The following NPY1R variants were observed in gnomAD, a reference collection of about 807,000 sequenced individuals.
NPY1R encodes the protein neuropeptide Y receptor type 1.
In NPY1R, 10 loss-of-function variants were observed where a neutral mutation model predicts 24.1. That is an observed-to-expected ratio of 0.42 (90% confidence interval 0.26 to 0.71). The LOEUF (loss-of-function observed/expected upper bound fraction) is 0.71, where lower values mean the gene tolerates loss of function less well. Ranked by LOEUF, NPY1R falls within the 30% of genes least tolerant of loss-of-function variation. The pLI is 0.28. For synonymous variants in NPY1R, 168 were observed against 165.9 expected (o/e 1.01, Z -0.10); for missense variants, 350 against 458.0 (o/e 0.76, Z 2.15).
intron 1 of NPY1R, among the ~76,000 whole-genome samples, chr4:163,343,014 A>T (rs62333382): frequency 1.5e-5 from 2 of 131,770 alleles, no homozygotes. Context: ...ACACACACAC[A>T]CACACGCGCG....
intron 1 of NPY1R, among the ~76,000 whole-genome samples, chr4:163,341,875 TG>T (rs141320999): frequency 0.018 from 2,722 of 152,298 alleles, 75 homozygotes; most frequent in African/African-American, 0.059. Context: ...AAATCCCCCC[TG>T]GGAAATTTAA....
chr4:163,328,625 A>C, intron 1 of NPY1R, among the ~76,000 whole-genome samples: 1 of 152,270 alleles, frequency 6.6e-6, no homozygotes, highest in East Asian at 1.9e-4. Context: ...CCCCAGCCTG[A>C]CACATTAAGA....
At chr4:163,329,312 A>G (rs1734676313) in intron 1 of NPY1R, among the ~76,000 whole-genome samples, 1 of 152,192 alleles carries the variant, frequency 6.6e-6, no homozygotes, top group Non-Finnish European at 1.5e-5. Flanking sequence ...AAAGCAAGAA[A>G]GAGGGACTGG....
At chr4:163,326,976 T>C (rs902616017) in intron 1 of NPY1R, among the ~76,000 whole-genome samples, 43 of 152,164 alleles carry the variant, frequency 2.8e-4, no homozygotes, top group African/African-American at 1.0e-3. Context: ...CCCCAAGTCT[T>C]ACATAAACAG....
Position 163,326,197 on chromosome 4 carries a change from G to A in NPY1R, c.358C>T (p.Gln120Ter). 1.2e-6 allele frequency: 2 copies of A among 1,614,128 alleles called. No homozygotes were observed. Among genetic ancestry groups the A allele is most frequent in the Non-Finnish European group, 1.7e-6 (2 of 1,179,984 alleles). Reference sequence around the variant, plus strand: ...ATGGACACAGTGATTGAAACACATTGCACAAAAGGATTCAACTTACACATC... The same window carrying A: ...ATGGACACAGTGATTGAAACACATTACACAAAAGGATTCAACTTACACATC... The part of the protein sequence containing the change: ...EAMCKLNPFV[Q>*]CVSITVSIFS... Residue 120 changes from glutamine to a stop codon, truncating the protein, a stop_gained, in exon 2 of 3, where the codon CAA (glutamine) becomes TAA (stop). Coordinates refer to ENST00000296533, the MANE Select transcript of NPY1R (RefSeq NM_000909.6). LOFTEE classifies it high-confidence loss of function.
chr4:163,330,056 T>A, intron 1 of NPY1R, among the ~76,000 whole-genome samples: 1 of 152,124 alleles, frequency 6.6e-6, no homozygotes, highest in Non-Finnish European at 1.5e-5. Flanking sequence ...ATGGGGAGAT[T>A]CATTAGAAAG....
At chr4:163,329,981 A>G (rs567760760) in intron 1 of NPY1R, among the ~76,000 whole-genome samples, 3 of 152,142 alleles carry the variant, frequency 2.0e-5, no homozygotes, top group Non-Finnish European at 4.4e-5. Context: ...GTGAAGTTTT[A>G]TGACTTTTGA....
rs1041785879 is a variant in NPY1R at position 163,325,293 on chromosome 4, A to G, written c.*10T>C. ...CAGATGTCATCCGGGACCATAGGCT[A>G]TAAGTAGTTTCAGATTTTTTCATTA... On this transcript the variant is annotated 3_prime_UTR_variant, in exon 3 of 3. Coordinates refer to ENST00000296533, the MANE Select transcript of NPY1R (RefSeq NM_000909.6). 1 of 1,585,490 alleles carries G rather than the reference A, an allele frequency of 6.3e-7. No homozygotes were observed.
At chr4:163,331,148 C>A (rs1016648984) in intron 1 of NPY1R, 1 of 152,392 alleles carries the variant, frequency 6.6e-6, no homozygotes, top group African/African-American at 2.4e-5. Flanking sequence ...GGGTCGAGAA[C>A]AAACAGCTAC....
At chr4:163,335,478 C>G (rs1034979999), upstream of NPY1R, among the ~76,000 whole-genome samples, 6 of 152,130 alleles carry the variant, frequency 3.9e-5, no homozygotes, top group African/African-American at 1.4e-4. Context: ...TTGAAACACA[C>G]TAATTACTAG....
At chr4:163,330,292 A>T (rs981230121) in intron 1 of NPY1R, among the ~76,000 whole-genome samples, 2 of 152,222 alleles carry the variant, frequency 1.3e-5, no homozygotes, top group Non-Finnish European at 2.9e-5. Context: ...TACCTTTGAA[A>T]TTGTATTTAA....
chr4:163,328,003 C>A (rs1734646044), intron 1 of NPY1R, among the ~76,000 whole-genome samples: 1 of 151,712 alleles, frequency 6.6e-6, no homozygotes, highest in South Asian at 2.1e-4. Context: ...AGATAAAAAA[C>A]TTAATGAACA....
At chr4:163,341,974 T>G (rs1319452678) in intron 1 of NPY1R, among the ~76,000 whole-genome samples, 1 of 152,200 alleles carries the variant, frequency 6.6e-6, no homozygotes, top group African/African-American at 2.4e-5. Flanking sequence ...AAAAAAACTC[T>G]TAATAACTTG....
At chr4:163,343,225 C>T (rs1735052731) in intron 1 of NPY1R, among the ~76,000 whole-genome samples, 1 of 148,358 alleles carries the variant, frequency 6.7e-6, no homozygotes, top group Non-Finnish European at 1.5e-5. Context: ...TTCGTCTTCT[C>T]TTTGCTATTG....
intron 1 of NPY1R, among the ~76,000 whole-genome samples, chr4:163,330,073 C>T (rs1271453582): frequency 6.6e-6 from 1 of 151,986 alleles, no homozygotes; most frequent in Non-Finnish European, 1.5e-5. Flanking sequence ...AAAGCTAGTG[C>T]AATAATTTTG....
upstream of NPY1R, among the ~76,000 whole-genome samples, chr4:163,333,681 C>T (rs192409974): frequency 2.6e-4 from 39 of 152,288 alleles, no homozygotes; most frequent in East Asian, 7.3e-3. Context: ...GTGGACTCAT[C>T]TGAACTTTAT....
In NPY1R at chr4:163,325,065, A is replaced by T. The variant is rs1286061501; in HGVS notation, c.*238T>A. 2 of 480,084 alleles carry T rather than the reference A, an allele frequency of 4.2e-6. No individual in the cohort carries two copies. The highest frequency in any genetic ancestry group is 7.3e-6 in the Non-Finnish European group (2 of 272,462). The allele number at this position is 480,084 out of a possible 1,614,324, so 29.7% of individuals were successfully genotyped here. On this transcript the variant is annotated 3_prime_UTR_variant, in exon 3 of 3. Transcript: ENST00000296533. ...TATATTATATGCATAAATTCACAAA[A>T]AGCACTTCAAAGATGTCTGGTCAAA... is the stretch of plus-strand genomic sequence containing the variant.
rs1341488727 is a variant in NPY1R at position 163,324,468 on chromosome 4, A to C, written c.*835T>G. The C allele has an allele frequency of 6.6e-6, 1 of 152,206 alleles. No homozygotes were observed. The highest frequency in any genetic ancestry group is 1.5e-5 in the Non-Finnish European group (1 of 68,026). The allele number at this position is 152,206 out of a possible 1,614,324, so 9.4% of individuals were successfully genotyped here. A position where few individuals can be genotyped will look rare whatever the true frequency, so the allele number is the denominator to read the frequency against. On this transcript the variant is annotated 3_prime_UTR_variant, in exon 3 of 3. Coordinates refer to ENST00000296533, the MANE Select transcript of NPY1R (RefSeq NM_000909.6). ...CAAACACTGAACAGTCTGTAAAAAA[A>C]ATGGAAAATCTCTTGACCATCAATT...
upstream of NPY1R, among the ~76,000 whole-genome samples, chr4:163,334,694 T>C (rs2110808464): frequency 6.6e-6 from 1 of 152,076 alleles, no homozygotes; most frequent in East Asian, 1.9e-4. Context: ...ACCCCGTCTC[T>C]ACTAAAAATA....
Sources: gnomAD v4.1 joint callset for allele counts (sites outside exome capture counted in the v4.1 genomes callset) on GRCh38, gnomAD v4.1.1 for gene constraint, MANE v1.5 for transcripts, NCBI Gene and HGNC (gene_info 2026-07-23, HGNC 2026-07-21) for gene names.